PDE4D: variants seen among roughly 807,000 people sequenced by gnomAD.
PDE4D encodes 3',5'-cyclic-AMP phosphodiesterase 4D.
A neutral mutation model predicts 87.4 loss-of-function variants in PDE4D; 24 were observed. The observed-to-expected ratio is 0.27, with a 90% CI of 0.20 to 0.39. PDE4D has a LOEUF of 0.39. Among genes scored for constraint, PDE4D ranks in the 10% least tolerant of loss-of-function variants. The pLI, the probability that PDE4D is intolerant of heterozygous loss-of-function variation, is 1.00. For synonymous variants in PDE4D, 384 were observed against 383.2 expected (o/e 1.00, Z -0.02); for missense variants, 714 against 1,041.0 (o/e 0.69, Z 4.32).
intron 1 of PDE4D, among the ~76,000 whole-genome samples, chr5:59,703,146 A>C (rs1309376970): frequency 3.9e-5 from 6 of 152,114 alleles, no homozygotes; most frequent in African/African-American, 1.4e-4. Flanking sequence ...AAGAGTAATA[A>C]AGTTATTTTG....
intron 1 of PDE4D, among the ~76,000 whole-genome samples, chr5:59,776,017 A>G (rs1764042218): frequency 6.6e-6 from 1 of 152,186 alleles, no homozygotes; most frequent in Admixed American, 6.5e-5. Flanking sequence ...CATGTCTATA[A>G]TTCATAGATT....
At chr5:60,509,992 G>A (rs1476361683) in intron 1 of PDE4D, among the ~76,000 whole-genome samples, 1 of 152,146 alleles carries the variant, frequency 6.6e-6, no homozygotes, top group Non-Finnish European at 1.5e-5. Flanking sequence ...GCAGGAAGAA[G>A]AGAAACATCA....
chr5:59,059,511 G>A (rs1339333093), intron 5 of PDE4D, among the ~76,000 whole-genome samples: 1 of 152,178 alleles, frequency 6.6e-6, no homozygotes, highest in Non-Finnish European at 1.5e-5. Flanking sequence ...AAATTTAGAT[G>A]AGGATATGAG....
At chr5:60,404,842 T>A (rs984937868) in intron 1 of PDE4D, among the ~76,000 whole-genome samples, 1 of 152,220 alleles carries the variant, frequency 6.6e-6, no homozygotes. Context: ...GCCTGTAATA[T>A]TCTTCCTTTC....
At chr5:59,127,505 G>A (rs1775584197) in intron 5 of PDE4D, among the ~76,000 whole-genome samples, 1 of 151,930 alleles carries the variant, frequency 6.6e-6, no homozygotes, top group African/African-American at 2.4e-5. Flanking sequence ...CGTGTGCACA[G>A]GAGGGCCGTG....
chr5:59,448,999 C>A (rs1285056642), intron 1 of PDE4D, among the ~76,000 whole-genome samples: 1 of 152,110 alleles, frequency 6.6e-6, no homozygotes. Flanking sequence ...TTTTCTGCCT[C>A]CCATCCACAT....
intron 1 of PDE4D, among the ~76,000 whole-genome samples, chr5:59,352,942 T>C (rs987022902): frequency 1.3e-5 from 2 of 152,122 alleles, no homozygotes; most frequent in African/African-American, 4.8e-5. Context: ...TTGGCAAAAA[T>C]GAGATTTGGA....
At chr5:59,999,764 T>A (rs1339016848) in intron 2 of PDE4D, among the ~76,000 whole-genome samples, 1 of 151,936 alleles carries the variant, frequency 6.6e-6, no homozygotes, top group African/African-American at 2.4e-5. Context: ...TAAAAATTTA[T>A]GTTACTTGGC....
At position 60,090,809 on chromosome 5, in the gene PDE4D, A is replaced by G. The variant is rs116242100; in HGVS notation, c.42+94748T>C. Among the ~76,000 whole-genome samples, 1,283 of 152,320 alleles carry G rather than the reference A, an allele frequency of 8.4e-3. 16 individuals carry two copies. The highest frequency in any genetic ancestry group is 0.029 in the African/African-American group (1,221 of 41,586). ...ACTCAACCAAAACCTGTTAGAACTG[A>G]AAAACAAATTCATTAAAGTTGCAAT... On this transcript the variant is annotated intron_variant, in intron 2 of 16. Transcript: ENST00000502484.
At chr5:59,033,656 CT>C (rs1213786178) in intron 6 of PDE4D, among the ~76,000 whole-genome samples, 2 of 152,142 alleles carry the variant, frequency 1.3e-5, no homozygotes, top group Non-Finnish European at 2.9e-5. Context: ...ATCTATCATC[CT>C]TTCTCTCTAG....
intron 1 of PDE4D, among the ~76,000 whole-genome samples, chr5:59,553,304 G>A (rs1470955839): frequency 6.6e-6 from 1 of 152,046 alleles, no homozygotes; most frequent in Admixed American, 6.6e-5. Context: ...AGAAAGCTGG[G>A]AAAGGCATTT....
rs182745003 is a variant in PDE4D, at chr5:59,957,935, G to C, written c.272+30553C>G. Among the ~76,000 whole-genome samples the C allele has an allele frequency of 3.0e-3, 450 of 152,236 alleles. 3 individuals carry two copies. Among genetic ancestry groups the C allele is most frequent in the African/African-American group, 0.01 (432 of 41,562 alleles). On this transcript the variant is annotated intron_variant, in intron 3 of 16. Coordinates refer to the PDE4D transcript ENST00000502484. The stretch of plus-strand genomic sequence containing the variant: ...TACAACATTCACAGTGGAAAGCCTG[G>C]AGAGTTTCCTGATTTATAGAGATAA...
intron 1 of PDE4D, among the ~76,000 whole-genome samples, chr5:59,462,690 A>T (rs559742612): frequency 1.3e-5 from 2 of 152,326 alleles, no homozygotes; most frequent in East Asian, 3.9e-4. Flanking sequence ...GAGAGCAAAT[A>T]GGAAGTTGGG....
intron 1 of PDE4D, among the ~76,000 whole-genome samples, chr5:59,842,659 G>C (rs1251176116): frequency 4.6e-5 from 7 of 151,962 alleles, no homozygotes. Flanking sequence ...ATAATAATTT[G>C]TCTCATTATC....
chr5:59,798,262 G>C (rs1766724969), intron 1 of PDE4D, among the ~76,000 whole-genome samples: 1 of 38,720 alleles, frequency 2.6e-5, no homozygotes, highest in Non-Finnish European at 5.8e-5. Flanking sequence ...GCCTGTGTGT[G>C]TGTGTGTGTG....
At chr5:60,319,334 A>G (rs1301199758) in intron 1 of PDE4D, among the ~76,000 whole-genome samples, 4 of 152,160 alleles carry the variant, frequency 2.6e-5, no homozygotes, top group Non-Finnish European at 4.4e-5. Flanking sequence ...TTTCACCTCC[A>G]TCAGGTCCTT....
At chr5:59,691,637 T>C (rs919635575) in intron 1 of PDE4D, among the ~76,000 whole-genome samples, 11 of 151,140 alleles carry the variant, frequency 7.3e-5, no homozygotes, top group African/African-American at 2.7e-4. Context: ...AGTTAACGGG[T>C]GCAGCACACC....
intron 1 of PDE4D, among the ~76,000 whole-genome samples, chr5:59,403,375 C>G (rs935500488): frequency 6.6e-6 from 1 of 152,136 alleles, no homozygotes; most frequent in African/African-American, 2.4e-5. Flanking sequence ...CCCTGTTGAG[C>G]TATCAAATAC....
At chr5:59,302,641 T>C (rs1770496172) in intron 1 of PDE4D, among the ~76,000 whole-genome samples, 1 of 152,186 alleles carries the variant, frequency 6.6e-6, no homozygotes, top group East Asian at 1.9e-4. Flanking sequence ...TGCTTTTCTA[T>C]TCCTGAGTTA....
Sources: gnomAD v4.1 joint callset for allele counts (sites outside exome capture counted in the v4.1 genomes callset) on GRCh38, gnomAD v4.1.1 for gene constraint, MANE v1.5 for transcripts, NCBI Gene and HGNC (gene_info 2026-07-23, HGNC 2026-07-21) for gene names.